The following ZBTB40 variants were observed in gnomAD, a reference collection of about 807,000 sequenced individuals.
ZBTB40 encodes the protein zinc finger and BTB domain containing 40.
In ZBTB40, 60 loss-of-function variants were observed where a neutral mutation model predicts 117.5. The observed-to-expected ratio is 0.51, with a 90% CI of 0.41 to 0.63. ZBTB40 has a LOEUF of 0.63. Ranked by LOEUF, ZBTB40 falls within the 30% of genes least tolerant of loss-of-function variation. The pLI, the probability that ZBTB40 is intolerant of heterozygous loss-of-function variation, is 0.00. For missense variants in ZBTB40, 1,287 were observed against 1,498.5 expected (o/e 0.86, Z 2.33); for synonymous variants, 525 against 577.1 (o/e 0.91, Z 1.29).
At chr1:22,482,718 G>A (rs796332326) in intron 1 of ZBTB40, among the ~76,000 whole-genome samples, 55 of 152,118 alleles carry the variant, frequency 3.6e-4, no homozygotes, top group African/African-American at 1.3e-3. Context: ...TTTCCAGAAC[G>A]TCATATATTT....
intron 1 of ZBTB40, among the ~76,000 whole-genome samples, chr1:22,435,245 C>T (rs1311918069): frequency 6.6e-6 from 1 of 152,184 alleles, no homozygotes; most frequent in Non-Finnish European, 1.5e-5. Flanking sequence ...AAGTGATCCT[C>T]CTGCCTTGGC....
chr1:22,510,254 G>A lies in ZBTB40; in HGVS notation c.1834-925G>A, dbSNP rs921944560. 5.9e-5 allele frequency among the ~76,000 whole-genome samples: 9 copies of A among 152,172 alleles called. No homozygotes were observed. In the East Asian group the frequency reaches 1.2e-3, roughly 19 times the overall value. On this transcript the variant is annotated intron_variant, in intron 9 of 17. Transcript: ENST00000375647. ...AGGTGTGGAAGGTGTGCAGAAGGGC[G>A]GGTTTCTAACTCTCTCTGTGCAGGT... is the stretch of plus-strand genomic sequence containing the variant.
At chr1:22,446,223 G>GAAA (rs71020420) in intron 1 of ZBTB40, among the ~76,000 whole-genome samples, 4 of 111,588 alleles carry the variant, frequency 3.6e-5, no homozygotes, top group East Asian at 2.3e-4. Flanking sequence ...CTCCAAAACT[G>GAAA]AAAAAAAAAA....
At position 22,529,467 on chromosome 1, in the gene ZBTB40, T is replaced by G. The variant is rs1450517796; in HGVS notation, c.*3071T>G. 2 of 152,356 alleles carry G rather than the reference T, an allele frequency of 1.3e-5. No individual in the cohort carries two copies. Among genetic ancestry groups the G allele is most frequent in the Non-Finnish European group, 2.9e-5 (2 of 68,098 alleles). 9.4% of individuals were successfully genotyped at this position (152,356 alleles called of 1,614,324 possible). On this transcript the variant is annotated 3_prime_UTR_variant, in exon 18 of 18. Coordinates refer to ENST00000375647, the MANE Select transcript of ZBTB40 (RefSeq NM_014870.4). ...CTGGAGTGTGATTCTGTGGGAATACTGGGGTCAGTTATGGAACAGGACTTG... is the reference window on the plus strand; with the variant it reads ...CTGGAGTGTGATTCTGTGGGAATACGGGGGTCAGTTATGGAACAGGACTTG...
At chr1:22,459,286 G>A (rs1025336207) in intron 1 of ZBTB40, among the ~76,000 whole-genome samples, 4 of 152,010 alleles carry the variant, frequency 2.6e-5, no homozygotes, top group African/African-American at 7.2e-5. Flanking sequence ...CTCAATTTAT[G>A]GAGCATCCAT....
intron 1 of ZBTB40, among the ~76,000 whole-genome samples, chr1:22,477,690 A>G (rs1026928905): frequency 6.6e-6 from 1 of 152,020 alleles, no homozygotes; most frequent in African/African-American, 2.4e-5. Flanking sequence ...AAGCTAATTA[A>G]GATGGTAGAA....
intron 3 of ZBTB40, among the ~76,000 whole-genome samples, chr1:22,495,791 C>T (rs1638758141): frequency 2.0e-5 from 3 of 152,212 alleles, no homozygotes; most frequent in South Asian, 2.1e-4. Flanking sequence ...GCTGGGATTA[C>T]AGGCATGAGC....
At chr1:22,511,610 A>T in intron 10 of ZBTB40, 66 bp from the exon 11 acceptor site, 7 of 1,547,230 alleles carry the variant, frequency 4.5e-6, no homozygotes, top group South Asian at 3.6e-5. Flanking sequence ...GAAGTGTGTT[A>T]GAAACGTTAT....
chr1:22,506,360 A>G (rs1639076629), intron 6 of ZBTB40, 119 bp downstream of exon 6: 2 of 1,018,110 alleles, frequency 2.0e-6, no homozygotes, highest in East Asian at 4.9e-5. Flanking sequence ...GTCATTGCAG[A>G]ATAGAAACTA....
At chr1:22,499,191 A>T (rs1045174937) in intron 3 of ZBTB40, among the ~76,000 whole-genome samples, 2 of 152,206 alleles carry the variant, frequency 1.3e-5, no homozygotes, top group African/African-American at 4.8e-5. Context: ...TTACTCCCTG[A>T]CTGTTGGCTG....
At chr1:22,436,728 C>G (rs1455756559) in intron 1 of ZBTB40, among the ~76,000 whole-genome samples, 1 of 151,848 alleles carries the variant, frequency 6.6e-6, no homozygotes, top group African/African-American at 2.4e-5. Flanking sequence ...GTGAGAGAAG[C>G]CAGGCACAAA....
chr1:22,441,718 G>C, intron 1 of ZBTB40, among the ~76,000 whole-genome samples: 1 of 151,962 alleles, frequency 6.6e-6, no homozygotes, highest in Admixed American at 6.6e-5. Context: ...CCTGACCTCA[G>C]ATGATCTGCC....
At chr1:22,436,099 T>C (rs1640666816) in intron 1 of ZBTB40, among the ~76,000 whole-genome samples, 1 of 152,152 alleles carries the variant, frequency 6.6e-6, no homozygotes, top group Non-Finnish European at 1.5e-5. Flanking sequence ...TGTTTGGTAA[T>C]TTCTTATAAA....
At chr1:22,469,566 T>C (rs959605375) in intron 1 of ZBTB40, among the ~76,000 whole-genome samples, 1 of 152,212 alleles carries the variant, frequency 6.6e-6, no homozygotes, top group Non-Finnish European at 1.5e-5. Flanking sequence ...GTTTTTTGTT[T>C]TTTTTTATGA....
chr1:22,456,862 T>C (rs1255218960), intron 1 of ZBTB40, among the ~76,000 whole-genome samples: 1 of 152,246 alleles, frequency 6.6e-6, no homozygotes, highest in Non-Finnish European at 1.5e-5. Context: ...ATATCATAAC[T>C]GTTTCTACTG....
chr1:22,450,037 A>G (rs1043880534), upstream of ZBTB40, among the ~76,000 whole-genome samples: 9 of 151,180 alleles, frequency 6.0e-5, no homozygotes, highest in African/African-American at 2.2e-4. Flanking sequence ...TCCGCCTCCC[A>G]GGTTCAAGCG....
intron 1 of ZBTB40, among the ~76,000 whole-genome samples, chr1:22,444,861 C>T (rs950317790): frequency 2.0e-5 from 3 of 152,228 alleles, no homozygotes; most frequent in African/African-American, 4.8e-5. Context: ...TACTTTACTT[C>T]CTTTCCTTCC....
At chr1:22,506,322 C>A in intron 6 of ZBTB40, 81 bp downstream of exon 6, 1 of 1,365,838 alleles carries the variant, frequency 7.3e-7, no homozygotes, top group Non-Finnish European at 1.0e-6. Flanking sequence ...TGGCTCCATG[C>A]TGGGGAGATA....
chr1:22,519,821 C>A (rs1235259661), intron 13 of ZBTB40: 10 of 580,512 alleles, frequency 1.7e-5, no homozygotes, highest in Non-Finnish European at 2.8e-5. Flanking sequence ...CTACATGATG[C>A]TGCAGAGACA....
Sources: gnomAD v4.1 joint callset for allele counts (sites outside exome capture counted in the v4.1 genomes callset) on GRCh38, gnomAD v4.1.1 for gene constraint, MANE v1.5 for transcripts, NCBI Gene and HGNC (gene_info 2026-07-23, HGNC 2026-07-21) for gene names.